The following NSUN6 variants were observed in gnomAD, a reference collection of about 807,000 sequenced individuals.
NSUN6 encodes the protein NOP2/Sun RNA methyltransferase 6.
In NSUN6, 64 loss-of-function variants were observed where a neutral mutation model predicts 58.0. That is an observed-to-expected ratio of 1.10 (90% CI 0.90 to 1.36). NSUN6 has a LOEUF of 1.36. Among genes scored for constraint, NSUN6 ranks in the 40% most tolerant of loss-of-function variants. The probability of loss-of-function intolerance (pLI) is 0.00; values close to 1 mark genes in which losing one functional copy is unlikely to be tolerated. For missense variants in NSUN6, 701 were observed against 550.1 expected (o/e 1.27, Z -2.74); for synonymous variants, 231 against 193.9 (o/e 1.19, Z -1.59).
intron 2 of NSUN6, among the ~76,000 whole-genome samples, chr10:18,646,307 C>T (rs1031957511): frequency 1.3e-5 from 2 of 152,114 alleles, no homozygotes; most frequent in Non-Finnish European, 1.5e-5. Flanking sequence ...AACTTTTCAA[C>T]GTGAAAGGAA....
At chr10:18,599,823 C>A (rs1321076048) in intron 6 of NSUN6, among the ~76,000 whole-genome samples, 1 of 152,084 alleles carries the variant, frequency 6.6e-6, no homozygotes, top group Non-Finnish European at 1.5e-5. Context: ...TCCAGTGAAC[C>A]AAGAATATAA....
At chr10:18,659,301 C>G (rs945011389), upstream of NSUN6, 1 of 299,638 alleles carries the variant, frequency 3.3e-6, no homozygotes, top group African/African-American at 2.2e-5. Flanking sequence ...CGTCACGCGC[C>G]TAGCTTCCGG....
At chr10:18,550,028 A>T (rs1338058216) in intron 9 of NSUN6, among the ~76,000 whole-genome samples, 1 of 152,226 alleles carries the variant, frequency 6.6e-6, no homozygotes, top group East Asian at 1.9e-4. Context: ...CAAGTCAACA[A>T]GGCTCAAGTC....
chr10:18,585,826 GTTAA>G, intron 8 of NSUN6, 119 bp downstream of exon 8: 1 of 711,268 alleles, frequency 1.4e-6, no homozygotes, highest in Non-Finnish European at 2.3e-6. Flanking sequence ...TGATGGATAT[GTTAA>G]TTAGCTTGTT....
chr10:18,615,795 TAA>T (rs2058388266), intron 4 of NSUN6, among the ~76,000 whole-genome samples: 1 of 152,174 alleles, frequency 6.6e-6, no homozygotes, highest in Non-Finnish European at 1.5e-5. Context: ...GTGAATACAT[TAA>T]GAGTATCAAG....
intron 8 of NSUN6, among the ~76,000 whole-genome samples, chr10:18,564,312 C>A (rs1027129979): frequency 2.0e-5 from 3 of 151,348 alleles, no homozygotes; most frequent in Non-Finnish European, 4.4e-5. Context: ...CCATTCCACT[C>A]CTTTCCGCAT....
chr10:18,637,466 A>C (rs1384475259), intron 3 of NSUN6, among the ~76,000 whole-genome samples: 3 of 152,260 alleles, frequency 2.0e-5, no homozygotes, highest in African/African-American at 4.8e-5. Flanking sequence ...TAAATCATCC[A>C]TATATTTTAG....
chr10:18,611,699 T>C (rs2058242483), intron 5 of NSUN6, among the ~76,000 whole-genome samples: 1 of 150,176 alleles, frequency 6.7e-6, no homozygotes, highest in African/African-American at 2.5e-5. Flanking sequence ...CAGGTAAGTG[T>C]GTGTGTGGAC....
At chr10:18,638,775 A>G (rs866094538) in intron 3 of NSUN6, among the ~76,000 whole-genome samples, 3 of 152,042 alleles carry the variant, frequency 2.0e-5, no homozygotes, top group Non-Finnish European at 4.4e-5. Flanking sequence ...CATAAAAGGC[A>G]CACTTAGGGA....
chr10:18,551,713 C>T (rs753381234), intron 9 of NSUN6, 110 bp downstream of exon 9: 22 of 845,568 alleles, frequency 2.6e-5, no homozygotes, highest in Non-Finnish European at 4.2e-5. Flanking sequence ...TTGGGTTGTT[C>T]CCACCTTTTG....
chr10:18,558,468 G>T (rs1446722603), intron 8 of NSUN6, among the ~76,000 whole-genome samples: 1 of 150,804 alleles, frequency 6.6e-6, no homozygotes, highest in Non-Finnish European at 1.5e-5. Context: ...AATGGAGAAG[G>T]GAATGGAAAA....
intron 2 of NSUN6, among the ~76,000 whole-genome samples, chr10:18,643,703 T>C (rs1415309354): frequency 2.0e-5 from 3 of 152,158 alleles, no homozygotes; most frequent in Non-Finnish European, 4.4e-5. Flanking sequence ...CCTCCCTCCT[T>C]CATCATTTTG....
At chr10:18,568,379 CTTCCT>C (rs1237585726) in intron 8 of NSUN6, among the ~76,000 whole-genome samples, 2 of 141,236 alleles carry the variant, frequency 1.4e-5, no homozygotes, top group African/African-American at 5.3e-5. Context: ...ATTCCCTTCC[CTTCCT>C]TTCTCCATTC....
chr10:18,558,634 GA>G (rs2055234954), intron 8 of NSUN6, among the ~76,000 whole-genome samples: 1 of 151,110 alleles, frequency 6.6e-6, no homozygotes, highest in South Asian at 2.1e-4. Context: ...GAATGGAATG[GA>G]GAATGGAATG....
chr10:18,548,105 C>A lies in NSUN6; in HGVS notation c.1197+7G>T, dbSNP rs776618848. 2 of 1,613,258 alleles carry A rather than the reference C, an allele frequency of 1.2e-6. No homozygotes were observed. The highest frequency in any genetic ancestry group is 1.7e-6 in the Non-Finnish European group (2 of 1,179,560). On this transcript the variant is annotated splice_region_variant and intron_variant, in intron 10 of 10. Coordinates refer to ENST00000377304, the MANE Select transcript of NSUN6 (RefSeq NM_182543.5). Reference sequence around the variant, plus strand: ...TATTACACAGAGAAAAATGAAATTACTCCTACCTGGGGCTGAAGCTGAAGG... The same window carrying A: ...TATTACACAGAGAAAAATGAAATTAATCCTACCTGGGGCTGAAGCTGAAGG...
At position 18,565,163 on chromosome 10, in the gene NSUN6, T is replaced by A. The variant is rs142817287; in HGVS notation, c.923-13192A>T. Among the ~76,000 whole-genome samples the A allele has an allele frequency of 3.3e-5, 5 of 151,504 alleles. No homozygotes were observed. In the East Asian group the frequency reaches 9.7e-4, roughly 29 times the overall value. ...CCATTGCATACCATTCTCCATTTCA[T>A]TCCCTTTCATTCTCTGTTCCATTAT... On this transcript the variant is annotated intron_variant, in intron 8 of 10. Transcript: ENST00000377304.
chr10:18,616,723 T>G (rs1385372420), intron 3 of NSUN6, among the ~76,000 whole-genome samples: 1 of 152,236 alleles, frequency 6.6e-6, no homozygotes, highest in Non-Finnish European at 1.5e-5. Flanking sequence ...AAGATAAGTC[T>G]TTTTTCCTTC....
intron 3 of NSUN6, among the ~76,000 whole-genome samples, chr10:18,635,141 C>T (rs1046087688): frequency 6.6e-6 from 1 of 152,178 alleles, no homozygotes; most frequent in Non-Finnish European, 1.5e-5. Flanking sequence ...GGCACCAAGC[C>T]TCTGATGAGC....
intron 8 of NSUN6, among the ~76,000 whole-genome samples, chr10:18,554,053 G>A (rs2054800352): frequency 6.6e-6 from 1 of 151,534 alleles, no homozygotes. Flanking sequence ...ATGGAGAATG[G>A]AATGGAATGG....
Sources: gnomAD v4.1 joint callset for allele counts (sites outside exome capture counted in the v4.1 genomes callset) on GRCh38, gnomAD v4.1.1 for gene constraint, MANE v1.5 for transcripts, NCBI Gene and HGNC (gene_info 2026-07-23, HGNC 2026-07-21) for gene names.